UBN2: variants seen among roughly 807,000 people sequenced by gnomAD.
The protein encoded by UBN2 is ubinuclein 2.
A neutral mutation model predicts 120.2 loss-of-function variants in UBN2; 35 were observed. The observed-to-expected ratio is 0.29, with a 90% CI of 0.22 to 0.39. The LOEUF (loss-of-function observed/expected upper bound fraction) is 0.39, where lower values mean the gene tolerates loss of function less well. Among genes scored for constraint, UBN2 ranks in the 10% least tolerant of loss-of-function variants. The pLI is 1.00. For missense variants in UBN2, 1,693 were observed against 1,663.2 expected, an observed-to-expected ratio of 1.02 and a Z score of -0.31; for synonymous variants, 661 against 648.7, an observed-to-expected ratio of 1.02 and a Z score of -0.29.
intron 2 of UBN2, 95 bp from the exon 3 acceptor site, chr7:139,251,861 C>T: frequency 8.4e-7 from 1 of 1,183,998 alleles, no homozygotes; most frequent in Non-Finnish European, 1.2e-6. Flanking sequence ...GGGGGACTAT[C>T]TGCAAAAATT....
At chr7:139,248,788 T>C (rs1298007010) in intron 2 of UBN2, among the ~76,000 whole-genome samples, 5 of 152,136 alleles carry the variant, frequency 3.3e-5, no homozygotes, top group African/African-American at 1.2e-4. Context: ...TGTCCTTAAC[T>C]GCTTGTGTGT....
chr7:139,297,183 G>A lies in UBN2; in HGVS notation c.3995-604G>A, dbSNP rs191314373. On this transcript the variant is annotated intron_variant, in intron 17 of 17. Transcript: ENST00000473989. ...CACTCCAGCCTGGGCGACAGAGCGA[G>A]ACTCCGTCTCAAAAAAAAAAAAAAA... Among the ~76,000 whole-genome samples, 1,076 of 144,534 alleles carry A rather than the reference G, an allele frequency of 7.4e-3. 16 individuals are homozygous for A. Among genetic ancestry groups the A allele is most frequent in the African/African-American group, 0.027 (1,034 of 38,860 alleles). 94.8% of individuals were successfully genotyped at this position (144,534 alleles called of 152,430 possible). A position where few individuals can be genotyped will look rare whatever the true frequency, so the allele number is the denominator to read the frequency against.
rs773137842 is a variant in UBN2 at position 139,283,310 on chromosome 7, G to A, written c.2405G>A (p.Arg802Lys). The A allele has an allele frequency of 2.5e-6, 4 of 1,613,948 alleles. No homozygotes were observed. The highest frequency in any genetic ancestry group is 4.5e-5 in the East Asian group (2 of 44,866). ...ACCACAAAGCCTCGTCCAGGACTGA[G>A]AGAAGAAAAATTAGCAAGTATCATG... ...MPTTKPRPGL[R>K]EEKLASIMSK... Residue 802 changes from arginine to lysine, a missense_variant, in exon 15 of 18, where the codon AGA (arginine) becomes AAA (lysine). Physicochemically the swap from Arg to Lys is conservative, Grantham distance 26. Transcript: ENST00000473989.
chr7:139,254,840 G>A (rs912543420), intron 3 of UBN2, among the ~76,000 whole-genome samples: 1 of 152,198 alleles, frequency 6.6e-6, no homozygotes, highest in Non-Finnish European at 1.5e-5. Flanking sequence ...AAAGTACAGA[G>A]TTTCCATGAA....
At chr7:139,316,390 A>G in the UBN2 span, among the ~76,000 whole-genome samples, 1 of 152,322 alleles carries the variant, frequency 6.6e-6, no homozygotes, top group Non-Finnish European at 1.5e-5. Flanking sequence ...GTCTGAAAGT[A>G]TCGTATCATC....
At chr7:139,240,931 A>G (rs1025713592) in intron 2 of UBN2, among the ~76,000 whole-genome samples, 1 of 152,244 alleles carries the variant, frequency 6.6e-6, no homozygotes, top group Non-Finnish European at 1.5e-5. Flanking sequence ...TGACATTTCT[A>G]CAACCGTATA....
chr7:139,262,285 A>T (rs1310202863), intron 6 of UBN2, among the ~76,000 whole-genome samples: 1 of 151,814 alleles, frequency 6.6e-6, no homozygotes, highest in Non-Finnish European at 1.5e-5. Flanking sequence ...TGCTTAGTAG[A>T]GATGGGGTTT....
At chr7:139,242,182 T>G (rs1796338246) in intron 2 of UBN2, among the ~76,000 whole-genome samples, 1 of 152,236 alleles carries the variant, frequency 6.6e-6, no homozygotes, top group Admixed American at 6.5e-5. Context: ...TTATAGATTA[T>G]TGTTTTAAAC....
the UBN2 span, among the ~76,000 whole-genome samples, chr7:139,329,462 C>T: frequency 6.4e-4 from 98 of 152,204 alleles, no homozygotes; most frequent in Admixed American, 6.4e-3. Flanking sequence ...TGGGTCCCAG[C>T]CACTGGTGTT....
At chr7:139,276,589 A>AACCGTG (rs1208059504) in intron 12 of UBN2, 1 of 165,254 alleles carries the variant, frequency 6.1e-6, no homozygotes, top group Non-Finnish European at 1.3e-5. Flanking sequence ...TTCTGTTCAA[A>AACCGTG]ACCGTGTATT....
At chr7:139,319,152 G>C in the UBN2 span, among the ~76,000 whole-genome samples, 3 of 152,148 alleles carry the variant, frequency 2.0e-5, no homozygotes, top group Non-Finnish European at 4.4e-5. Context: ...TGCGATCTTG[G>C]CTCACTGAAA....
chr7:139,313,841 A>G, the UBN2 span, among the ~76,000 whole-genome samples: 1 of 147,548 alleles, frequency 6.8e-6, no homozygotes, highest in Non-Finnish European at 1.5e-5. Flanking sequence ...ATGATCAACA[A>G]TGACAGAATT....
the UBN2 span, among the ~76,000 whole-genome samples, chr7:139,321,353 G>A: frequency 6.6e-6 from 1 of 152,226 alleles, no homozygotes; most frequent in Non-Finnish European, 1.5e-5. Flanking sequence ...TTCAGCTCAT[G>A]CCAAATAAGG....
intron 2 of UBN2, 100 bp downstream of exon 2, chr7:139,237,197 T>G (rs957967560): frequency 6.0e-6 from 4 of 665,674 alleles, no homozygotes; most frequent in East Asian, 5.9e-5. Context: ...TTGCCTGCCT[T>G]ACTTTGTTCT....
At chr7:139,237,972 GTGTT>G (rs1796211843) in intron 2 of UBN2, among the ~76,000 whole-genome samples, 1 of 152,154 alleles carries the variant, frequency 6.6e-6, no homozygotes, top group Non-Finnish European at 1.5e-5. Flanking sequence ...CAATATAGTG[GTGTT>G]TGTTTGAATA....
At chr7:139,251,228 A>G (rs1796617010) in intron 2 of UBN2, among the ~76,000 whole-genome samples, 1 of 152,196 alleles carries the variant, frequency 6.6e-6, no homozygotes, top group African/African-American at 2.4e-5. Context: ...TTTACAGGAA[A>G]GTTGCAAAGA....
At chr7:139,278,157 G>A (rs936320403) in intron 12 of UBN2, among the ~76,000 whole-genome samples, 2 of 149,272 alleles carry the variant, frequency 1.3e-5, no homozygotes, top group Admixed American at 1.3e-4. Context: ...TACAAAAGAT[G>A]TCTCCCTCTC....
At chr7:139,267,233 T>C (rs907529095) in intron 7 of UBN2, among the ~76,000 whole-genome samples, 2 of 152,162 alleles carry the variant, frequency 1.3e-5, no homozygotes, top group African/African-American at 4.8e-5. Context: ...CATCATGTAT[T>C]ATAGAAAGAC....
chr7:139,261,328 A>G lies in UBN2; in HGVS notation c.982A>G (p.Ile328Val). 3 of 1,614,180 alleles carry G rather than the reference A, an allele frequency of 1.9e-6. No individual in the cohort carries two copies. The highest frequency in any genetic ancestry group is 1.1e-5 in the South Asian group (1 of 91,086). The part of the protein sequence containing the change: ...YKDSLSLAAM[I>V]RKFQKEKDAL... ...AGATTCTCTTTCTCTAGCTGCCATG[A>G]TTAGAAAATTCCAGAAAGAGAAGGA... The change falls in exon 6 of 18, where the codon ATT (isoleucine) becomes GTT (valine). Residue 328 changes from isoleucine to valine, a missense_variant. This residue lies in a region of UBN2 where 663 missense variants were observed against 591.2 expected (regional missense o/e 1.12). Transcript: ENST00000473989.
Sources: allele counts gnomAD v4.1 joint callset (sites outside exome capture counted in the v4.1 genomes callset), GRCh38; gene constraint gnomAD v4.1.1; regional missense constraint gnomAD v4.1.1; transcripts MANE v1.5; gene names NCBI Gene and HGNC (gene_info 2026-07-23, HGNC 2026-07-21).